Variants in MYO9B observed in about 807,000 individuals in gnomAD.
MYO9B encodes unconventional myosin-IXb.
In MYO9B, 71 loss-of-function variants were observed where a neutral mutation model predicts 229.5. The observed-to-expected ratio is 0.31, with a 90% CI of 0.26 to 0.38. The LOEUF (loss-of-function observed/expected upper bound fraction) is 0.38, where lower values mean the gene tolerates loss of function less well. Ranked by LOEUF, MYO9B falls within the 10% of genes least tolerant of loss-of-function variation. The pLI is 1.00. For synonymous variants in MYO9B, 1,185 were observed against 1,235.8 expected (o/e 0.96, Z 0.86); for missense variants, 2,255 against 2,920.5 (o/e 0.77, Z 5.25).
intron 2 of MYO9B, among the ~76,000 whole-genome samples, chr19:17,107,251 A>C (rs1485459768): frequency 6.6e-6 from 1 of 152,068 alleles, no homozygotes; most frequent in Non-Finnish European, 1.5e-5. Context: ...TAACAAAAAA[A>C]ATTTAGTAGG....
At chr19:17,197,174 G>A (rs2073051980) in intron 22 of MYO9B, among the ~76,000 whole-genome samples, 1 of 151,972 alleles carries the variant, frequency 6.6e-6, no homozygotes, top group South Asian at 2.1e-4. Flanking sequence ...CTACTCGGGA[G>A]GCTGAGGCAG....
intron 6 of MYO9B, 114 bp from the exon 7 acceptor site, chr19:17,156,795 A>C (rs2072542118): frequency 4.0e-6 from 5 of 1,262,010 alleles, no homozygotes; most frequent in Non-Finnish European, 4.4e-6. Flanking sequence ...TTCAAATTTC[A>C]TGCGTTCCGA....
chr19:17,205,819 A>G (rs565088104), intron 31 of MYO9B, 141 bp from the exon 32 acceptor site: 51 of 848,162 alleles, frequency 6.0e-5, no homozygotes, highest in Admixed American at 3.7e-4. Flanking sequence ...CCCAACAACC[A>G]CGCAGAAGGA....
At chr19:17,169,967 G>T (rs559271872) in intron 11 of MYO9B, among the ~76,000 whole-genome samples, 1 of 151,694 alleles carries the variant, frequency 6.6e-6, no homozygotes. Flanking sequence ...TCAGCCTCCC[G>T]AGTAGCTGGG....
At chr19:17,203,320 A>G in intron 30 of MYO9B, 62 bp downstream of exon 30, 1 of 1,330,072 alleles carries the variant, frequency 7.5e-7, no homozygotes, top group East Asian at 2.6e-5. Flanking sequence ...CTCACTGCTC[A>G]AGAGGTCTTC....
chr19:17,121,461 A>C (rs921798338), intron 2 of MYO9B, among the ~76,000 whole-genome samples: 2 of 151,454 alleles, frequency 1.3e-5, no homozygotes, highest in South Asian at 2.1e-4. Flanking sequence ...ATATATATAT[A>C]TATCCAAGAG....
intron 2 of MYO9B, among the ~76,000 whole-genome samples, chr19:17,115,026 T>C (rs1241235900): frequency 7.9e-5 from 12 of 151,614 alleles, no homozygotes; most frequent in Non-Finnish European, 4.4e-5. Flanking sequence ...TCTAGCCCTG[T>C]CGCCCAAGCT....
In MYO9B at chr19:17,186,103, C is replaced by T. The variant is rs1213338134; in HGVS notation, c.2577+102C>T. 2.7e-5 allele frequency: 28 copies of T among 1,034,506 alleles called. No individual in the cohort carries two copies. In the Middle Eastern group the frequency reaches 8.8e-4, roughly 33 times the overall value. The allele number at this position is 1,034,506 out of a possible 1,614,324, so 64.1% of individuals were successfully genotyped here. A position where few individuals can be genotyped will look rare whatever the true frequency, so the allele number is the denominator to read the frequency against. ...CCCAGCCTCCACGCAGTATGGGGGACGGTGCAGCAGTCCATCCAGAGGCAG... is the reference window on the plus strand; with the variant it reads ...CCCAGCCTCCACGCAGTATGGGGGATGGTGCAGCAGTCCATCCAGAGGCAG... On this transcript the variant is annotated intron_variant, in intron 18 of 39. Coordinates refer to ENST00000682292, the MANE Select transcript of MYO9B (RefSeq NM_004145.4).
intron 1 of MYO9B, among the ~76,000 whole-genome samples, chr19:17,084,737 A>AACAC (rs752861592): frequency 6.6e-6 from 1 of 151,466 alleles, no homozygotes; most frequent in Non-Finnish European, 1.5e-5. Context: ...AAAAAAGAAA[A>AACAC]ACACACACAC....
chr19:17,079,449 C>T (rs1007552954), intron 1 of MYO9B, among the ~76,000 whole-genome samples: 8 of 152,142 alleles, frequency 5.3e-5, no homozygotes, highest in African/African-American at 1.9e-4. Flanking sequence ...GAACTGTCCT[C>T]GTCTTAGAAT....
At chr19:17,185,115 C>A in intron 17 of MYO9B, 128 bp downstream of exon 17, 1 of 1,357,032 alleles carries the variant, frequency 7.4e-7, no homozygotes, top group Non-Finnish European at 1.0e-6. Flanking sequence ...GTGGCTCAAG[C>A]CTGTAATCCC....
chr19:17,154,424 G>A lies in MYO9B; in HGVS notation c.1199+9G>A. Reference sequence around the variant, plus strand: ...CCCGCCACCAAGAAGCAGTAAGTGTGCGGGCTCCCGGGGCCTGTCCCCCAG... The same window carrying A: ...CCCGCCACCAAGAAGCAGTAAGTGTACGGGCTCCCGGGGCCTGTCCCCCAG... On this transcript the variant is annotated intron_variant, in intron 6 of 39. Coordinates refer to ENST00000682292, the MANE Select transcript of MYO9B (RefSeq NM_004145.4). 6.2e-7 allele frequency: 1 copy of A among 1,606,502 alleles called. No individual in the cohort carries two copies.
At chr19:17,132,683 A>G (rs1040590253) in intron 2 of MYO9B, among the ~76,000 whole-genome samples, 6 of 141,596 alleles carry the variant, frequency 4.2e-5, no homozygotes, top group Admixed American at 2.9e-4. Flanking sequence ...CGCCACCACC[A>G]CGCCCAGCTA....
At position 17,206,250 on chromosome 19, in the gene MYO9B, C is replaced by G. The variant is rs183155578; in HGVS notation, c.5260C>G (p.Pro1754Ala). The G allele has an allele frequency of 3.6e-4, 565 of 1,571,596 alleles. 2 individuals carry two copies. In the African/African-American group the frequency reaches 6.5e-3, roughly 18 times the overall value. Reference sequence around the variant, plus strand: ...GACCCACCCCACCCACCCCACAGACCCCGCAGCAGTCAAGCTGGAGAACTT... The same window carrying G: ...GACCCACCCCACCCACCCCACAGACGCCGCAGCAGTCAAGCTGGAGAACTT... The part of the protein sequence containing the change: ...RELRQALQTD[P>A]AAVKLENFPI... Residue 1754 changes from proline (P) to alanine (A), a missense_variant and splice_region_variant, in exon 33 of 40, where the codon CCC becomes GCC. Around this residue, in one of 7 missense-constraint regions of MYO9B, gnomAD observed 416 missense variants for 605.5 expected, o/e 0.69. Transcript: ENST00000682292.
chr19:17,162,588 C>T, intron 9 of MYO9B, 122 bp downstream of exon 9: 1 of 843,466 alleles, frequency 1.2e-6, no homozygotes, highest in Non-Finnish European at 1.9e-6. Flanking sequence ...GAGGCTGTTT[C>T]CCCACAAGGA....
chr19:17,106,852 C>G (rs934843477), intron 2 of MYO9B, among the ~76,000 whole-genome samples: 4 of 152,164 alleles, frequency 2.6e-5, no homozygotes, highest in African/African-American at 9.7e-5. Flanking sequence ...CACCTGAGGT[C>G]AAGAGTTCGA....
intron 1 of MYO9B, among the ~76,000 whole-genome samples, chr19:17,085,790 G>A (rs143110302): frequency 2.7e-4 from 41 of 152,280 alleles, no homozygotes; most frequent in African/African-American, 9.4e-4. Flanking sequence ...AACATAGGGA[G>A]ACCCCTGTTC....
intron 1 of MYO9B, among the ~76,000 whole-genome samples, 156 bp downstream of exon 1, chr19:17,076,030 G>T (rs1335499893): frequency 6.6e-6 from 1 of 151,718 alleles, no homozygotes; most frequent in African/African-American, 2.4e-5. Flanking sequence ...GATTGCTGGG[G>T]ATGAGGTGGA....
intron 2 of MYO9B, among the ~76,000 whole-genome samples, chr19:17,124,542 C>T (rs966404311): frequency 3.8e-4 from 57 of 151,518 alleles, no homozygotes; most frequent in African/African-American, 1.3e-3. Flanking sequence ...GAGGCCAAGG[C>T]GGGCAGATCA....
Sources: gnomAD v4.1 joint callset for allele counts (sites outside exome capture counted in the v4.1 genomes callset) on GRCh38, gnomAD v4.1.1 for gene constraint, gnomAD v4.1.1 regional missense constraint, MANE v1.5 for transcripts, NCBI Gene and HGNC (gene_info 2026-07-23, HGNC 2026-07-21) for gene names.